The following NLN variants were observed in gnomAD, a reference collection of about 807,000 sequenced individuals.
NLN encodes the protein neurolysin, mitochondrial.
NLN carries 64 observed loss-of-function variants against 79.9 expected under a neutral mutation model. That is an observed-to-expected ratio of 0.80 (90% CI 0.65 to 0.99). The LOEUF is 0.99. NLN is among the 50% of genes least tolerant of loss of function. NLN has a pLI of 0.00. For missense variants in NLN, 835 were observed against 858.7 expected (o/e 0.97, Z 0.34); for synonymous variants, 267 against 296.6 (o/e 0.90, Z 1.02).
chr5:65,792,674 C>G lies in NLN; in HGVS notation c.1527+19C>G. On this transcript the variant is annotated intron_variant, in intron 9 of 12. Coordinates refer to ENST00000380985, the MANE Select transcript of NLN (RefSeq NM_020726.5). ...TGCACAGGTGAGTTTTTTTTTTCCC[C>G]CAGTAAACCTGCCAATTAGTTTTTT... 1 of 1,580,258 alleles carries G rather than the reference C, an allele frequency of 6.3e-7. No individual in the cohort carries two copies. Among genetic ancestry groups the G allele is most frequent in the Non-Finnish European group, 8.7e-7 (1 of 1,149,536 alleles).
At chr5:65,775,414 G>A (rs1178518953) in intron 3 of NLN, among the ~76,000 whole-genome samples, 2 of 152,152 alleles carry the variant, frequency 1.3e-5, no homozygotes. Context: ...TTCCTTGCTG[G>A]GATGGCCTTC....
chr5:65,785,933 A>C (rs768891069), intron 7 of NLN, 23 bp downstream of exon 7: 1 of 1,597,748 alleles, frequency 6.3e-7, no homozygotes, highest in Non-Finnish European at 8.5e-7. Flanking sequence ...TTTTTTTTCT[A>C]TGACTGTTTT....
intron 1 of NLN, chr5:65,733,009 C>A: frequency 1.0e-6 from 1 of 979,342 alleles, no homozygotes; most frequent in South Asian, 1.4e-5. Context: ...TTACTCAATG[C>A]CCACTTCAAG....
At chr5:65,765,655 G>T (rs1716148428) in intron 3 of NLN, among the ~76,000 whole-genome samples, 1 of 152,028 alleles carries the variant, frequency 6.6e-6, no homozygotes, top group Admixed American at 6.6e-5. Context: ...ACTGCACTGA[G>T]CAGTGGTTGT....
chr5:65,780,092 C>T (rs1759764411), intron 4 of NLN, 87 bp from the exon 5 acceptor site: 1 of 646,344 alleles, frequency 1.5e-6, no homozygotes, highest in African/African-American at 1.9e-5. Context: ...TCCCAAATTG[C>T]TGGGATTACA....
chr5:65,786,949 G>A (rs550366705), intron 7 of NLN, among the ~76,000 whole-genome samples: 22 of 152,178 alleles, frequency 1.4e-4, no homozygotes, highest in Non-Finnish European at 2.8e-4. Context: ...GTGTGAACAG[G>A]TAATTACTCT....
At chr5:65,796,845 T>C (rs2150766795) in intron 9 of NLN, among the ~76,000 whole-genome samples, 1 of 152,364 alleles carries the variant, frequency 6.6e-6, no homozygotes, top group East Asian at 1.9e-4. Context: ...AAATTTGCCA[T>C]ATGTATTCAG....
At chr5:65,811,328 T>A (rs932878873) in intron 11 of NLN, among the ~76,000 whole-genome samples, 1 of 152,186 alleles carries the variant, frequency 6.6e-6, no homozygotes, top group Non-Finnish European at 1.5e-5. Flanking sequence ...ATTACATTTT[T>A]AAATGTACAA....
At chr5:65,795,108 T>C (rs950641957) in intron 9 of NLN, among the ~76,000 whole-genome samples, 1 of 151,774 alleles carries the variant, frequency 6.6e-6, no homozygotes, top group African/African-American at 2.4e-5. Context: ...ATCCCAGCAC[T>C]TTGGGAGGCC....
intron 1 of NLN, among the ~76,000 whole-genome samples, chr5:65,754,767 C>T (rs1007298545): frequency 3.3e-5 from 5 of 152,176 alleles, no homozygotes; most frequent in African/African-American, 1.2e-4. Context: ...TGATGTCCTG[C>T]ACTTCTTCAC....
intron 3 of NLN, among the ~76,000 whole-genome samples, chr5:65,773,312 T>C (rs1759610888): frequency 6.6e-6 from 1 of 151,820 alleles, no homozygotes; most frequent in Non-Finnish European, 1.5e-5. Flanking sequence ...TTGTGTTTTT[T>C]AGTTGTTGTA....
chr5:65,746,679 G>A (rs1758986871), intron 1 of NLN, among the ~76,000 whole-genome samples: 1 of 152,210 alleles, frequency 6.6e-6, no homozygotes, highest in Admixed American at 6.5e-5. Flanking sequence ...CAGCACATGT[G>A]TGTATAAAGA....
intron 9 of NLN, among the ~76,000 whole-genome samples, chr5:65,807,438 A>C (rs988402287): frequency 1.4e-5 from 2 of 143,966 alleles, no homozygotes; most frequent in African/African-American, 2.5e-5. Flanking sequence ...TTTGGTTTTG[A>C]TTTTTTTTTT....
At chr5:65,819,863 G>C (rs1760756419) in intron 12 of NLN, among the ~76,000 whole-genome samples, 1 of 151,858 alleles carries the variant, frequency 6.6e-6, no homozygotes, top group Admixed American at 6.6e-5. Context: ...CCTAAGAAAA[G>C]CAAGATCCTG....
chr5:65,756,037 T>C (rs529048631), intron 1 of NLN, among the ~76,000 whole-genome samples: 91 of 152,256 alleles, frequency 6.0e-4, no homozygotes, highest in Non-Finnish European at 7.4e-4. Context: ...TGAATGGCAT[T>C]CTGCTGCTGT....
intron 1 of NLN, among the ~76,000 whole-genome samples, chr5:65,743,251 C>T (rs1758907844): frequency 6.6e-6 from 1 of 152,132 alleles, no homozygotes; most frequent in African/African-American, 2.4e-5. Context: ...GCACCAGGGA[C>T]TACATTGGGG....
intron 12 of NLN, among the ~76,000 whole-genome samples, chr5:65,817,575 G>T (rs1009289581): frequency 6.6e-6 from 1 of 152,200 alleles, no homozygotes; most frequent in African/African-American, 2.4e-5. Flanking sequence ...CAATTATATT[G>T]TTAAGCTACT....
chr5:65,729,418 G>A (rs1250928685), intron 1 of NLN, among the ~76,000 whole-genome samples: 7 of 144,118 alleles, frequency 4.9e-5, no homozygotes, highest in South Asian at 2.2e-4. Flanking sequence ...ACTGTTGCCC[G>A]GGCTGGAGTG....
In NLN at chr5:65,827,794, A is replaced by G. The variant is rs1335896440; in HGVS notation, c.*4879A>G. Reference sequence around the variant, plus strand: ...CACTTTGGGATGCCAAGATGGGTGGATCACCTGAGTTCAGGAGTTCAAGAC... The same window carrying G: ...CACTTTGGGATGCCAAGATGGGTGGGTCACCTGAGTTCAGGAGTTCAAGAC... On this transcript the variant is annotated 3_prime_UTR_variant, in exon 13 of 13. Transcript: ENST00000380985. The G allele has an allele frequency of 2.6e-5, 4 of 152,188 alleles. No homozygotes were observed. The highest frequency in any genetic ancestry group is 6.5e-5 in the Admixed American group (1 of 15,280). The allele number at this position is 152,188 out of a possible 1,614,324, so 9.4% of individuals were successfully genotyped here. A position where few individuals can be genotyped will look rare whatever the true frequency, so the allele number is the denominator to read the frequency against.
Sources: allele counts gnomAD v4.1 joint callset (sites outside exome capture counted in the v4.1 genomes callset), GRCh38; gene constraint gnomAD v4.1.1; transcripts MANE v1.5; gene names NCBI Gene and HGNC (gene_info 2026-07-23, HGNC 2026-07-21).